BACE2: variants seen among roughly 807,000 people sequenced by gnomAD.
BACE2 encodes beta-secretase 2, also known as 56 kDa aspartic-like protease.
BACE2 carries 17 observed loss-of-function variants against 46.2 expected under a neutral mutation model. The observed-to-expected ratio is 0.37, with a 90% confidence interval of 0.25 to 0.55. The LOEUF (loss-of-function observed/expected upper bound fraction) is 0.55. BACE2 is among the 20% of genes least tolerant of loss of function. BACE2 has a pLI of 0.82. For synonymous variants in BACE2, 277 were observed against 295.9 expected (o/e 0.94, Z 0.66); for missense variants, 595 against 698.1 (o/e 0.85, Z 1.66).
At chr21:41,271,259 T>A (rs1346903167) in intron 8 of BACE2, among the ~76,000 whole-genome samples, 1 of 149,606 alleles carries the variant, frequency 6.7e-6, no homozygotes, top group Non-Finnish European at 1.5e-5. Flanking sequence ...GCAGTCTCTG[T>A]TTTTTAGTTG....
intron 1 of BACE2, among the ~76,000 whole-genome samples, chr21:41,219,943 G>A (rs1003688132): frequency 1.5e-4 from 23 of 152,166 alleles, no homozygotes; most frequent in Non-Finnish European, 1.0e-4. Flanking sequence ...TGGGGATGGC[G>A]TGGGACCCCA....
In BACE2 at chr21:41,246,090, C is replaced by T. The variant is rs1430687345; in HGVS notation, c.984+27C>T. ...TGAGTCCTCGGGACACTCACGGGTC[C>T]CCGAGTTGCTGAGTTACAGTCACCT... On this transcript the variant is annotated intron_variant, in intron 6 of 8. Coordinates refer to ENST00000330333, the MANE Select transcript of BACE2 (RefSeq NM_012105.5). 9 of 1,558,058 alleles carry T rather than the reference C, an allele frequency of 5.8e-6. No individual in the cohort carries two copies. In the East Asian group the frequency reaches 1.7e-4, roughly 29 times the overall value.
chr21:41,241,711 T>A (rs1336486447), intron 3 of BACE2, 108 bp from the exon 4 acceptor site: 6 of 1,324,770 alleles, frequency 4.5e-6, no homozygotes, highest in South Asian at 1.4e-5. Flanking sequence ...CATGAAAAAA[T>A]TGAGTATAAA....
chr21:41,174,143 T>TTTTTTTTTTTTTTTTTTG (rs1984715101), intron 1 of BACE2, among the ~76,000 whole-genome samples: 2 of 132,632 alleles, frequency 1.5e-5, no homozygotes, highest in Non-Finnish European at 1.6e-5. Flanking sequence ...AGTGGCCTTT[T>TTTTTTTTTTTTTTTTTTG]TTTTTTTTTT....
At chr21:41,246,955 T>A (rs1336666260) in intron 6 of BACE2, among the ~76,000 whole-genome samples, 1 of 152,152 alleles carries the variant, frequency 6.6e-6, no homozygotes, top group African/African-American at 2.4e-5. Context: ...ACGGCGTTGC[T>A]GCTATTTGTT....
At chr21:41,243,258 C>A in intron 4 of BACE2, 118 bp from the exon 5 acceptor site, 1 of 818,672 alleles carries the variant, frequency 1.2e-6, no homozygotes, top group Non-Finnish European at 1.8e-6. Context: ...GACATTGTCA[C>A]GAAGTAGAAG....
intron 1 of BACE2, among the ~76,000 whole-genome samples, chr21:41,223,430 G>A (rs1986716607): frequency 6.6e-6 from 1 of 152,088 alleles, no homozygotes; most frequent in African/African-American, 2.4e-5. Context: ...GTGTTGGTGG[G>A]GCCATGCATC....
intron 1 of BACE2, among the ~76,000 whole-genome samples, chr21:41,199,318 T>C (rs1049106725): frequency 6.6e-6 from 1 of 151,774 alleles, no homozygotes; most frequent in African/African-American, 2.4e-5. Flanking sequence ...CTACCCTCCC[T>C]CCCTGCCTCC....
intron 3 of BACE2, among the ~76,000 whole-genome samples, chr21:41,238,109 G>A (rs1201853388): frequency 1.3e-5 from 2 of 152,218 alleles, no homozygotes; most frequent in African/African-American, 2.4e-5. Context: ...GCCTGCAGAC[G>A]GCCCTGGAAT....
At position 41,278,369 on chromosome 21, in the gene BACE2, C is replaced by T. The variant is rs1338165382; in HGVS notation, c.*2745C>T. ...TTTATTCTTGGGAATTTGAAAGAGC[C>T]ACAAGTGATTGGTGTCCGATCTCCC... is the stretch of plus-strand genomic sequence containing the variant. On this transcript the variant is annotated 3_prime_UTR_variant, in exon 9 of 9. Transcript: ENST00000330333. 6.6e-6 allele frequency: 1 copy of T among 152,122 alleles called. No homozygotes were observed. The highest frequency in any genetic ancestry group is 1.5e-5 in the Non-Finnish European group (1 of 68,030). The allele number at this position is 152,122 out of a possible 1,614,324, so 9.4% of individuals were successfully genotyped here. A position where few individuals can be genotyped will look rare whatever the true frequency, so the allele number is the denominator to read the frequency against.
At chr21:41,202,323 G>T (rs75824972) in intron 1 of BACE2, among the ~76,000 whole-genome samples, 2,856 of 152,328 alleles carry the variant, frequency 0.019, 54 homozygotes, top group Non-Finnish European at 0.028. Flanking sequence ...CACGACCAAT[G>T]CTTGGAGGAT....
chr21:41,277,866 T>TA lies in BACE2; in HGVS notation c.*2242_*2243insA, dbSNP rs2088507734. ...TTTCTTTATCTTTTCATATCGCATG[T>TA]CATTGGATGTGACATTTTGATGAAA... On this transcript the variant is annotated 3_prime_UTR_variant, in exon 9 of 9. Transcript: ENST00000330333. 3 of 152,236 alleles carry TA rather than the reference T, an allele frequency of 2.0e-5. No homozygotes were observed. Among genetic ancestry groups the TA allele is most frequent in the Non-Finnish European group, 2.9e-5 (2 of 68,044 alleles). 9.4% of individuals were successfully genotyped at this position (152,236 alleles called of 1,614,324 possible).
intron 2 of BACE2, among the ~76,000 whole-genome samples, chr21:41,226,884 G>A (rs912326364): frequency 6.6e-6 from 1 of 152,222 alleles, no homozygotes; most frequent in Non-Finnish European, 1.5e-5. Flanking sequence ...AGTGAGTTTT[G>A]TGAGCACAAA....
chr21:41,186,853 G>T (rs966159005), intron 1 of BACE2: 6 of 152,246 alleles, frequency 3.9e-5, no homozygotes, highest in African/African-American at 1.4e-4. Flanking sequence ...TTAATGGGCG[G>T]TGTATGCAGA....
intron 1 of BACE2, among the ~76,000 whole-genome samples, chr21:41,223,568 G>A (rs1403172551): frequency 6.6e-6 from 1 of 152,144 alleles, no homozygotes; most frequent in Non-Finnish European, 1.5e-5. Flanking sequence ...CCCCCCGTGT[G>A]TCTGCTTTCC....
chr21:41,204,142 G>A (rs571516191), intron 1 of BACE2, among the ~76,000 whole-genome samples: 10 of 152,262 alleles, frequency 6.6e-5, no homozygotes, highest in East Asian at 3.9e-4. Flanking sequence ...TCAGCCTCCC[G>A]AGTAGCTGGA....
intron 2 of BACE2, among the ~76,000 whole-genome samples, chr21:41,230,860 TTTTTA>T (rs769459781): frequency 5.3e-5 from 8 of 152,242 alleles, no homozygotes; most frequent in Non-Finnish European, 1.0e-4. Context: ...GATCATGTAT[TTTTTA>T]AATGTACATC....
At position 41,242,420 on chromosome 21, in the gene BACE2, G is replaced by A. The variant is rs541860364; in HGVS notation, c.747+473G>A. On this transcript the variant is annotated intron_variant, in intron 4 of 8. Coordinates refer to ENST00000330333, the MANE Select transcript of BACE2 (RefSeq NM_012105.5). ...TTGCTGCTGAAACAGAATCAAGGCC[G>A]TCAGCACTACGGAGGTGCTGGAGCC... Among the ~76,000 whole-genome samples, 15 of 152,174 alleles carry A rather than the reference G, an allele frequency of 9.9e-5. No individual in the cohort carries two copies. The South Asian group carries it at 2.7e-3, about 27-fold the overall frequency.
intron 8 of BACE2, among the ~76,000 whole-genome samples, chr21:41,266,953 T>C (rs1181751030): frequency 2.7e-5 from 3 of 109,946 alleles, no homozygotes; most frequent in Non-Finnish European, 5.1e-5. Context: ...TGTTTGTGTG[T>C]GTGTGTGTGT....
Sources: gnomAD v4.1 joint callset for allele counts (sites outside exome capture counted in the v4.1 genomes callset) on GRCh38, gnomAD v4.1.1 for gene constraint, MANE v1.5 for transcripts, NCBI Gene and HGNC (gene_info 2026-07-23, HGNC 2026-07-21) for gene names.